TLE7: variants seen among roughly 807,000 people sequenced by gnomAD.
The protein encoded by TLE7 is transducin-like enhancer protein 7.
chr16:71,435,309 G>A (rs948473136), intron 1 of TLE7, among the ~76,000 whole-genome samples: 7 of 152,190 alleles, frequency 4.6e-5, no homozygotes, highest in African/African-American at 1.7e-4. Context: ...TACTCAGGAG[G>A]CTGAGGCAGG....
rs922680319 is a variant in TLE7, at chr16:71,431,388, G to A, written c.993+33C>T. ...GCCTCCATGCATGGCTCCACTACAGGTGGCATTCTGCCAGTGGTGGCCAGC... is the reference window on the plus strand; with the variant it reads ...GCCTCCATGCATGGCTCCACTACAGATGGCATTCTGCCAGTGGTGGCCAGC... On this transcript the variant is annotated intron_variant, in intron 7 of 9. Transcript: ENST00000561754. The surrounding 1 kb of genome is among the most constrained non-coding windows in gnomAD (Gnocchi z 4.5). 7.5e-6 allele frequency: 3 copies of A among 400,144 alleles called. No homozygotes were observed. Among genetic ancestry groups the A allele is most frequent in the African/African-American group, 6.2e-5 (3 of 48,684 alleles). The allele number at this position is 400,144 out of a possible 1,614,324, so 24.8% of individuals were successfully genotyped here. A position where few individuals can be genotyped will look rare whatever the true frequency, so the allele number is the denominator to read the frequency against.
chr16:71,436,161 C>G (rs979658559), intron 1 of TLE7, among the ~76,000 whole-genome samples: 2 of 152,110 alleles, frequency 1.3e-5, no homozygotes, highest in African/African-American at 4.8e-5. Context: ...GGAAACTCAC[C>G]TCTGAAGGAA....
chr16:71,435,888 A>AC (rs11296526), intron 1 of TLE7, among the ~76,000 whole-genome samples: 1 of 152,020 alleles, frequency 6.6e-6, no homozygotes. Context: ...CACTGCTCAG[A>AC]CCCCCTTTTG....
chr16:71,431,965 G>A lies in TLE7; in HGVS notation c.647C>T (p.Pro216Leu). 2.5e-6 allele frequency: 1 copy of A among 400,780 alleles called. No homozygotes were observed. The highest frequency in any genetic ancestry group is 4.4e-6 in the Non-Finnish European group (1 of 226,282). The allele number at this position is 400,780 out of a possible 1,614,324, so 24.8% of individuals were successfully genotyped here. A position where few individuals can be genotyped will look rare whatever the true frequency, so the allele number is the denominator to read the frequency against. Reference protein sequence around the residue: ...QDRVVTCKLFPDERSLITGGA... With the variant: ...QDRVVTCKLFLDERSLITGGA... Reference sequence around the variant, plus strand: ...CCCTGTGATCAGGCTCCGCTCATCAGGGAACAGCTTGCAGGTAACAACACG... The same window carrying A: ...CCCTGTGATCAGGCTCCGCTCATCAAGGAACAGCTTGCAGGTAACAACACG... The change falls in exon 6 of 10, where the codon CCT (proline) becomes CTT (leucine). Residue 216 changes from proline to leucine, a missense_variant. Coordinates refer to ENST00000561754, the MANE Select transcript of TLE7 (RefSeq NM_001367365.2). The surrounding 1 kb of genome is among the most constrained non-coding windows in gnomAD (Gnocchi z 4.5).
intron 1 of TLE7, among the ~76,000 whole-genome samples, chr16:71,440,426 C>T (rs900847928): frequency 1.3e-5 from 2 of 152,024 alleles, no homozygotes; most frequent in Admixed American, 1.3e-4. Flanking sequence ...TGCAGTGAAC[C>T]GAAATCGGGC....
rs909707864 is a variant in TLE7 at position 71,431,257 on chromosome 16, G to A, written c.1011C>T (p.His337=). 3.5e-5 allele frequency: 14 copies of A among 399,954 alleles called. No individual in the cohort carries two copies. The highest frequency in any genetic ancestry group is 1.3e-4 in the Admixed American group (3 of 22,724). The allele number at this position is 399,954 out of a possible 1,614,324, so 24.8% of individuals were successfully genotyped here. A position where few individuals can be genotyped will look rare whatever the true frequency, so the allele number is the denominator to read the frequency against. ...NLQNEILSIT[H]DPGEEWVLAG... ...CCAATACCCATTCTTCACCGGGGTC[G>A]TGGGTAATGCTGAGGATCTGTTCGT... Residue 337 remains histidine (H), a synonymous_variant, in exon 8 of 10, where the codon CAC becomes CAT. Transcript: ENST00000561754. The surrounding 1 kb of genome is among the most constrained non-coding windows in gnomAD (Gnocchi z 4.5).
At chr16:71,432,804 C>A (rs891654494) in intron 3 of TLE7, 66 bp downstream of exon 3, 3 of 399,012 alleles carry the variant, frequency 7.5e-6, no homozygotes, top group African/African-American at 4.1e-5. Context: ...ACCAGGCCCC[C>A]GTTCCTAGTC....
chr16:71,435,615 T>C (rs970267258), intron 1 of TLE7, among the ~76,000 whole-genome samples: 1 of 152,212 alleles, frequency 6.6e-6, no homozygotes, highest in Non-Finnish European at 1.5e-5. Flanking sequence ...CTTTCAGAGA[T>C]GGAAATTGGC....
Position 71,433,261 on chromosome 16 carries a change from T to A in TLE7, c.64A>T (p.Arg22Trp), listed in dbSNP as rs2042814387. 1 of 398,612 alleles carries A rather than the reference T, an allele frequency of 2.5e-6. No individual in the cohort carries two copies. The allele number at this position is 398,612 out of a possible 1,614,324, so 24.7% of individuals were successfully genotyped here. ...MFGAYGEPEE[R>W]RDVLESSGVS... is the part of the protein sequence containing the mutation. ...CCAGAGCTTTCCAGCACATCCCTCC[T>A]CTCCTCTGGCTCACCATAAGCCCCG... is the stretch of plus-strand genomic sequence containing the variant. Residue 22 changes from arginine to tryptophan, a missense_variant, in exon 2 of 10, where the codon AGG becomes TGG. Arg to Trp is a moderately radical substitution (Grantham distance 101). Transcript: ENST00000561754.
At chr16:71,441,059 G>C (rs920859094) in intron 1 of TLE7, among the ~76,000 whole-genome samples, 5 of 152,184 alleles carry the variant, frequency 3.3e-5, no homozygotes, top group African/African-American at 4.8e-5. Context: ...GCATTCCCAA[G>C]TCCTGCATTC....
At chr16:71,430,627 C>A in intron 9 of TLE7, 41 bp downstream of exon 9, 1 of 398,474 alleles carries the variant, frequency 2.5e-6, no homozygotes, top group Non-Finnish European at 4.4e-6. Context: ...GAGCTACAAG[C>A]TCCCAGTGCC....
chr16:71,431,766 C>A lies in TLE7; in HGVS notation c.846G>T (p.Leu282Phe). 1 of 400,724 alleles carries A rather than the reference C, an allele frequency of 2.5e-6. No homozygotes were observed. Among genetic ancestry groups the A allele is most frequent in the South Asian group, 1.3e-4 (1 of 7,922 alleles). The allele number at this position is 400,724 out of a possible 1,614,324, so 24.8% of individuals were successfully genotyped here. Reference sequence around the variant, plus strand: ...GCTCTGGAGAGAGGTCATACCTGATCAAGATTTGGTTCTGCAAATCCCAAA... The same window carrying A: ...GCTCTGGAGAGAGGTCATACCTGATAAAGATTTGGTTCTGCAAATCCCAAA... ...VEIWDLQNQI[L>F]IRKHEVPVYG... Residue 282 changes from leucine (L) to phenylalanine (F), a missense_variant, in exon 6 of 10, where the codon TTG becomes TTT. Leu to Phe is a conservative substitution (Grantham distance 22). Transcript: ENST00000561754. The surrounding 1 kb of genome is among the most constrained non-coding windows in gnomAD (Gnocchi z 4.5).
intron 1 of TLE7, among the ~76,000 whole-genome samples, chr16:71,438,999 C>G (rs1369790895): frequency 6.6e-6 from 1 of 152,220 alleles, no homozygotes; most frequent in East Asian, 1.9e-4. Flanking sequence ...TCAAACACAC[C>G]TGTGCCCCTT....
At chr16:71,439,378 T>A in intron 1 of TLE7, among the ~76,000 whole-genome samples, 1 of 152,154 alleles carries the variant, frequency 6.6e-6, no homozygotes, top group East Asian at 1.9e-4. Context: ...GAATGGATTT[T>A]AGCAATTGGG....
chr16:71,436,389 C>G (rs1305582636), intron 1 of TLE7, among the ~76,000 whole-genome samples: 1 of 152,188 alleles, frequency 6.6e-6, no homozygotes, highest in Non-Finnish European at 1.5e-5. Context: ...GTCAATCAAT[C>G]ACCAGACGTG....
chr16:71,430,818 A>G (rs1596984047), intron 8 of TLE7, 77 bp from the exon 9 acceptor site: 2 of 397,754 alleles, frequency 5.0e-6, no homozygotes. Flanking sequence ...CAACCAGACT[A>G]AGGGCAAGTC....
chr16:71,431,565 G>A lies in TLE7; in HGVS notation c.852-3C>T, dbSNP rs1459903731. 1.2e-5 allele frequency: 5 copies of A among 400,656 alleles called. No individual in the cohort carries two copies. The highest frequency in any genetic ancestry group is 4.4e-5 in the Admixed American group (1 of 22,726). The allele number at this position is 400,656 out of a possible 1,614,324, so 24.8% of individuals were successfully genotyped here. A position where few individuals can be genotyped will look rare whatever the true frequency, so the allele number is the denominator to read the frequency against. ...CGTATACAGGAACTTCGTGCTTCCT[G>A]GTGGGTGGGAAAACAACTCAGAGGG... is the stretch of plus-strand genomic sequence containing the variant. On this transcript the variant is annotated splice_region_variant and splice_polypyrimidine_tract_variant and intron_variant, in intron 6 of 9. Coordinates refer to ENST00000561754, the MANE Select transcript of TLE7 (RefSeq NM_001367365.2). This position sits in a 1 kb window ranked among gnomAD's most constrained non-coding sequence, Gnocchi z 4.5.
At chr16:71,441,037 C>T (rs910768780) in intron 1 of TLE7, among the ~76,000 whole-genome samples, 1 of 152,202 alleles carries the variant, frequency 6.6e-6, no homozygotes, top group Middle Eastern at 3.2e-3. Context: ...CCGTCCCTGC[C>T]ATGGGAAGTT....
chr16:71,432,413 C>G (rs1377299821), intron 4 of TLE7, 88 bp from the exon 5 acceptor site: 5 of 204,174 alleles, frequency 2.4e-5, no homozygotes, highest in Non-Finnish European at 4.5e-5. Flanking sequence ...GATTCTTAAC[C>G]ACCCACCCAT....
Sources: allele counts gnomAD v4.1 joint callset (sites outside exome capture counted in the v4.1 genomes callset), GRCh38; gene constraint gnomAD v4.1.1; non-coding constraint Gnocchi (gnomAD v3.1); transcripts MANE v1.5; gene names NCBI Gene and HGNC (gene_info 2026-07-23, HGNC 2026-07-21).